PKHD1L1: variants seen among roughly 807,000 people sequenced by gnomAD.
PKHD1L1 encodes the protein PKHD1 like 1.
PKHD1L1 carries 434 observed loss-of-function variants against 462.9 expected under a neutral mutation model. That is an observed-to-expected ratio of 0.94 (90% confidence interval 0.87 to 1.02). PKHD1L1 has a LOEUF of 1.02. PKHD1L1 is among the 50% of genes least tolerant of loss of function. The pLI is 0.00. For synonymous variants in PKHD1L1, 1,781 were observed against 1,750.0 expected, an observed-to-expected ratio of 1.02 and a Z score of -0.44; for missense variants, 5,202 against 5,096.1, an observed-to-expected ratio of 1.02 and a Z score of -0.63.
intron 14 of PKHD1L1, among the ~76,000 whole-genome samples, chr8:109,404,143 C>T (rs1246659801): frequency 1.3e-5 from 2 of 152,292 alleles, no homozygotes; most frequent in East Asian, 3.9e-4. Flanking sequence ...ACAAATATAA[C>T]TACTCAGATA....
chr8:109,422,480 A>T, intron 23 of PKHD1L1, among the ~76,000 whole-genome samples: 1 of 152,196 alleles, frequency 6.6e-6, no homozygotes, highest in East Asian at 1.9e-4. Flanking sequence ...TCACACAAAT[A>T]CATAGCTTTT....
chr8:109,522,472 T>C, intron 74 of PKHD1L1, 135 bp downstream of exon 74: 1 of 1,108,374 alleles, frequency 9.0e-7, no homozygotes, highest in Non-Finnish European at 1.2e-6. Flanking sequence ...TGTTGACTTT[T>C]TATAGGCTCG....
chr8:109,428,023 CAAAAAAAAAAAAAAAAAAA>C (rs55963339), intron 25 of PKHD1L1, among the ~76,000 whole-genome samples: 2 of 70,248 alleles, frequency 2.8e-5, no homozygotes, highest in Non-Finnish European at 6.1e-5. Flanking sequence ...AACTCCGTCT[CAAAAAAAAAAAAAAAAAAA>C]AAAAAAAAAA....
rs571996205 is a variant in PKHD1L1 at position 109,444,002 on chromosome 8, C to G, written c.4791+100C>G. ...TTTAATTTTTACCAGCTTTATTGAGCTATATCACATACCATACAATTCACC... is the reference window on the plus strand; with the variant it reads ...TTTAATTTTTACCAGCTTTATTGAGGTATATCACATACCATACAATTCACC... On this transcript the variant is annotated intron_variant, in intron 37 of 77. Coordinates refer to ENST00000378402, the MANE Select transcript of PKHD1L1 (RefSeq NM_177531.6). 44 of 1,016,740 alleles carry G rather than the reference C, an allele frequency of 4.3e-5. No homozygotes were observed. In the African/African-American group the frequency reaches 7.0e-4, roughly 16 times the overall value. The allele number at this position is 1,016,740 out of a possible 1,614,324, so 63.0% of individuals were successfully genotyped here.
intron 23 of PKHD1L1, among the ~76,000 whole-genome samples, chr8:109,421,119 A>G (rs944690035): frequency 7.2e-5 from 11 of 152,094 alleles, no homozygotes; most frequent in Admixed American, 2.0e-4. Flanking sequence ...TAATTCCAGA[A>G]GGACCTGAAC....
Position 109,535,919 on chromosome 8 carries a change from T to C in PKHD1L1, c.*5829T>C, listed in dbSNP as rs1464670284. ...AAAGCCTGGAGAGAGAGGGGAAGGATTGTAAGTGTCATAGTTCTGACAGCT... is the reference window on the plus strand; with the variant it reads ...AAAGCCTGGAGAGAGAGGGGAAGGACTGTAAGTGTCATAGTTCTGACAGCT... On this transcript the variant is annotated 3_prime_UTR_variant, in exon 78 of 78. Transcript: ENST00000378402. Among the ~76,000 whole-genome samples, 2 of 152,064 alleles carry C rather than the reference T, an allele frequency of 1.3e-5. No homozygotes were observed. Among genetic ancestry groups the C allele is most frequent in the Non-Finnish European group, 2.9e-5 (2 of 67,994 alleles).
In PKHD1L1 at chr8:109,427,117, C is replaced by A; in HGVS notation, c.2961C>A (p.Ile987=). The A allele has an allele frequency of 6.2e-7, 1 of 1,613,932 alleles. No individual in the cohort carries two copies. The highest frequency in any genetic ancestry group is 8.5e-7 in the Non-Finnish European group (1 of 1,179,830). Residue 987 remains isoleucine, a synonymous_variant, in exon 25 of 78, where the codon ATC becomes ATA. Transcript: ENST00000378402. ...CCTGTGCTGGCTACGCGTGGAACAT[C>A]AAATGGAGAAGCACCTGCGGAAAGC... The part of the protein sequence containing the change: ...EGTCAGYAWN[I]KWRSTCGKQN...
At chr8:109,491,601 GTGTT>G (rs1017275398) in intron 61 of PKHD1L1, among the ~76,000 whole-genome samples, 2 of 151,788 alleles carry the variant, frequency 1.3e-5, no homozygotes, top group African/African-American at 2.4e-5. Flanking sequence ...AGCTGTGGGT[GTGTT>G]TGTTAAATAA....
intron 9 of PKHD1L1, among the ~76,000 whole-genome samples, chr8:109,390,702 A>C (rs901082870): frequency 2.0e-5 from 3 of 152,268 alleles, no homozygotes; most frequent in Admixed American, 2.0e-4. Context: ...TCTAGCATTA[A>C]CTAAAATAAC....
intron 1 of PKHD1L1, among the ~76,000 whole-genome samples, chr8:109,364,044 C>A (rs1286448746): frequency 6.6e-6 from 1 of 152,210 alleles, no homozygotes; most frequent in African/African-American, 2.4e-5. Context: ...CAGAAATTAT[C>A]TTTCCTGAAG....
intron 76 of PKHD1L1, among the ~76,000 whole-genome samples, chr8:109,525,808 G>A (rs1458375130): frequency 6.6e-6 from 1 of 152,100 alleles, no homozygotes; most frequent in Non-Finnish European, 1.5e-5. Flanking sequence ...AATTGTCAGT[G>A]ACAGAAAATT....
rs201191194 is a variant in PKHD1L1, at chr8:109,440,769, G to C, written c.4016G>C (p.Arg1339Thr). Residue 1339 changes from arginine to threonine, a missense_variant, in exon 33 of 78, where the codon AGA becomes ACA. Physicochemically the swap from Arg to Thr is moderately conservative, Grantham distance 71. Coordinates refer to ENST00000378402, the MANE Select transcript of PKHD1L1 (RefSeq NM_177531.6). ...GAAGTGACCAGCATGTTTCCACAAA[G>C]AGGCTCCTTGTTTGGTGGAACTGAA... ...VLEVTSMFPQ[R>T]GSLFGGTEIT... is the part of the protein sequence containing the mutation. 1.2e-6 allele frequency: 2 copies of C among 1,613,092 alleles called. No individual in the cohort carries two copies. Among genetic ancestry groups the C allele is most frequent in the African/African-American group, 2.7e-5 (2 of 74,990 alleles).
At chr8:109,377,166 T>A (rs1811880624) in intron 2 of PKHD1L1, among the ~76,000 whole-genome samples, 1 of 152,246 alleles carries the variant, frequency 6.6e-6, no homozygotes, top group Admixed American at 6.5e-5. Flanking sequence ...GGTGAGCACA[T>A]ATTGTAGTAA....
chr8:109,458,020 T>A (rs778091240), intron 46 of PKHD1L1, among the ~76,000 whole-genome samples: 3 of 152,084 alleles, frequency 2.0e-5, no homozygotes, highest in Non-Finnish European at 4.4e-5. Context: ...CATCCACCCA[T>A]TGTCTTGATA....
intron 9 of PKHD1L1, among the ~76,000 whole-genome samples, chr8:109,392,408 T>C (rs1019181588): frequency 6.6e-6 from 1 of 152,168 alleles, no homozygotes; most frequent in Admixed American, 6.5e-5. Flanking sequence ...ACTTTCAATT[T>C]AGAAATGCCA....
chr8:109,459,791 G>A lies in PKHD1L1; in HGVS notation c.7201G>A (p.Glu2401Lys), dbSNP rs755298060. ...NILIRGSDNV[E>K]WNNKIPACPD... ...TTTAATAAGAGGATCTGATAATGTT[G>A]AGTGGAATAACAAAATTCCTGCATG... The change falls in exon 47 of 78, where the codon GAG (glutamate) becomes AAG (lysine). Residue 2401 changes from glutamate to lysine, a missense_variant. By Grantham distance (56) the Glu-to-Lys change is moderately conservative (BLOSUM62 1). Coordinates refer to ENST00000378402, the MANE Select transcript of PKHD1L1 (RefSeq NM_177531.6). The A allele has an allele frequency of 5.6e-6, 9 of 1,611,310 alleles. No homozygotes were observed. In the African/African-American group the frequency reaches 1.2e-4, roughly 22 times the overall value.
intron 16 of PKHD1L1, among the ~76,000 whole-genome samples, chr8:109,405,615 C>G (rs903116254): frequency 6.7e-6 from 1 of 150,258 alleles, no homozygotes; most frequent in Non-Finnish European, 1.5e-5. Flanking sequence ...CATGTTCTCA[C>G]TTATAAGTGG....
At chr8:109,506,574 A>C (rs899364402) in intron 68 of PKHD1L1, among the ~76,000 whole-genome samples, 1 of 152,220 alleles carries the variant, frequency 6.6e-6, no homozygotes, top group African/African-American at 2.4e-5. Flanking sequence ...AAGAGCCCAA[A>C]GCCACAACAT....
chr8:109,396,674 G>C (rs1331539954), intron 11 of PKHD1L1, among the ~76,000 whole-genome samples: 1 of 152,150 alleles, frequency 6.6e-6, no homozygotes, highest in Non-Finnish European at 1.5e-5. Flanking sequence ...CTGTGGTTAT[G>C]CTTCACTTTT....
Sources: allele counts gnomAD v4.1 joint callset (sites outside exome capture counted in the v4.1 genomes callset), GRCh38; gene constraint gnomAD v4.1.1; transcripts MANE v1.5; gene names NCBI Gene and HGNC (gene_info 2026-07-23, HGNC 2026-07-21).